BNC2: variants seen among roughly 807,000 people sequenced by gnomAD.
The protein encoded by BNC2 is zinc finger protein basonuclin-2.
BNC2 carries 20 observed loss-of-function variants against 76.3 expected under a neutral mutation model. The observed-to-expected ratio is 0.26, with a 90% CI of 0.18 to 0.38. The LOEUF is 0.38. BNC2 is among the 10% of genes least tolerant of loss of function. BNC2 has a pLI of 1.00. For synonymous variants in BNC2, 582 were observed against 514.8 expected (o/e 1.13, Z -1.77); for missense variants, 1,382 against 1,399.8 (o/e 0.99, Z 0.20).
chr9:16,827,764 G>A (rs1019852975), intron 1 of BNC2, among the ~76,000 whole-genome samples: 3 of 152,052 alleles, frequency 2.0e-5, no homozygotes, highest in Middle Eastern at 3.2e-3. Flanking sequence ...TGTATAGCTG[G>A]CTACATTTTT....
intron 1 of BNC2, among the ~76,000 whole-genome samples, chr9:16,866,487 G>C (rs1005619553): frequency 1.3e-5 from 2 of 151,718 alleles, no homozygotes; most frequent in Non-Finnish European, 2.9e-5. Flanking sequence ...TAAAACGAGA[G>C]TAACTCCCTC....
intron 5 of BNC2, among the ~76,000 whole-genome samples, chr9:16,502,299 G>A (rs1256343733): frequency 1.3e-5 from 2 of 152,180 alleles, no homozygotes; most frequent in African/African-American, 4.8e-5. Flanking sequence ...AGCGAGCTAT[G>A]GTCACGCCAC....
intron 5 of BNC2, among the ~76,000 whole-genome samples, chr9:16,525,075 G>GA (rs1817755056): frequency 7.6e-6 from 1 of 132,162 alleles, no homozygotes; most frequent in African/African-American, 2.7e-5. Context: ...CGGAGTGGGG[G>GA]AGGGGGGGGG....
At chr9:16,480,529 C>A (rs548274263) in intron 5 of BNC2, among the ~76,000 whole-genome samples, 1 of 152,146 alleles carries the variant, frequency 6.6e-6, no homozygotes, top group South Asian at 2.1e-4. Context: ...GAGCAGGAAC[C>A]GGGGCTGCAG....
At chr9:16,741,866 G>T (rs1028823093) in intron 1 of BNC2, among the ~76,000 whole-genome samples, 3 of 145,154 alleles carry the variant, frequency 2.1e-5, no homozygotes, top group Non-Finnish European at 3.0e-5. Context: ...GCTGAGGCAC[G>T]AGAATCGCTT....
intron 3 of BNC2, among the ~76,000 whole-genome samples, chr9:16,669,351 C>A (rs1235932068): frequency 6.6e-6 from 1 of 152,156 alleles, no homozygotes; most frequent in Non-Finnish European, 1.5e-5. Context: ...ACATTTTGCC[C>A]TAAAGGTGCT....
intron 1 of BNC2, among the ~76,000 whole-genome samples, chr9:16,778,331 T>G (rs1307393687): frequency 6.6e-6 from 1 of 152,278 alleles, no homozygotes; most frequent in East Asian, 1.9e-4. Context: ...ATTAGAGCAG[T>G]GACAAAATTC....
chr9:16,556,448 G>A (rs1587166488), intron 4 of BNC2, among the ~76,000 whole-genome samples: 2 of 151,722 alleles, frequency 1.3e-5, no homozygotes, highest in East Asian at 3.9e-4. Context: ...AGTTACCTAG[G>A]AGATGAGCCA....
At chr9:16,679,686 A>T (rs1822765384) in intron 3 of BNC2, among the ~76,000 whole-genome samples, 1 of 152,112 alleles carries the variant, frequency 6.6e-6, no homozygotes, top group East Asian at 1.9e-4. Flanking sequence ...GCCGGATGAC[A>T]CCTCCATTGC....
chr9:16,636,304 ACTTT>A (rs766489964), intron 3 of BNC2, among the ~76,000 whole-genome samples: 2 of 151,910 alleles, frequency 1.3e-5, no homozygotes, highest in Non-Finnish European at 2.9e-5. Context: ...TTAGGTGAAG[ACTTT>A]CTTTTTTTTT....
At chr9:16,508,440 T>C (rs575527337) in intron 5 of BNC2, among the ~76,000 whole-genome samples, 1 of 152,238 alleles carries the variant, frequency 6.6e-6, no homozygotes, top group South Asian at 2.1e-4. Context: ...TAATGCTCAG[T>C]AAAAAAACAT....
chr9:16,549,413 T>C (rs1214770544), intron 5 of BNC2, among the ~76,000 whole-genome samples: 1 of 152,220 alleles, frequency 6.6e-6, no homozygotes, highest in Non-Finnish European at 1.5e-5. Flanking sequence ...TATACTGTTG[T>C]TGAGAGCAAT....
intron 6 of BNC2, chr9:16,431,317 A>C (rs1820903437): frequency 7.3e-6 from 2 of 272,364 alleles, no homozygotes; most frequent in South Asian, 3.4e-5. Context: ...GCTTCCCTTC[A>C]AAATGGGTGA....
intron 5 of BNC2, among the ~76,000 whole-genome samples, chr9:16,531,068 T>G (rs1487099623): frequency 1.3e-5 from 2 of 152,208 alleles, no homozygotes; most frequent in Non-Finnish European, 2.9e-5. Flanking sequence ...TAGCCTCCCC[T>G]GAGATCAAGA....
chr9:16,763,916 C>G (rs1363596490), intron 1 of BNC2, among the ~76,000 whole-genome samples: 2 of 152,186 alleles, frequency 1.3e-5, no homozygotes, highest in African/African-American at 4.8e-5. Context: ...GGCCCTCCTG[C>G]TGAACACTAA....
At chr9:16,654,145 G>A (rs989203090) in intron 3 of BNC2, among the ~76,000 whole-genome samples, 1 of 152,132 alleles carries the variant, frequency 6.6e-6, no homozygotes, top group African/African-American at 2.4e-5. Context: ...TTCAGAGAGA[G>A]GGACAAAAGC....
In BNC2 at chr9:16,417,992, A is replaced by T. The variant is rs1820620610; in HGVS notation, c.*997T>A. ...ATTTTCTTTTCTGGAAACTTGTGCA[A>T]AGTTGGCAGTTTTGTGTTAACACTA... On this transcript the variant is annotated 3_prime_UTR_variant, in exon 7 of 7. Coordinates refer to ENST00000380672, the MANE Select transcript of BNC2 (RefSeq NM_017637.6). 6.6e-6 allele frequency: 1 copy of T among 152,654 alleles called. No homozygotes were observed. Among genetic ancestry groups the T allele is most frequent in the African/African-American group, 2.4e-5 (1 of 41,452 alleles). The allele number at this position is 152,654 out of a possible 1,614,324, so 9.5% of individuals were successfully genotyped here. A position where few individuals can be genotyped will look rare whatever the true frequency, so the allele number is the denominator to read the frequency against.
At chr9:16,721,618 G>C (rs1824159728) in intron 3 of BNC2, among the ~76,000 whole-genome samples, 1 of 152,136 alleles carries the variant, frequency 6.6e-6, no homozygotes, top group Non-Finnish European at 1.5e-5. Context: ...TTTTCAAATG[G>C]CGAATTATTT....
chr9:16,741,990 C>G (rs80107402), intron 1 of BNC2, among the ~76,000 whole-genome samples: 3 of 143,594 alleles, frequency 2.1e-5, no homozygotes, highest in African/African-American at 7.8e-5. Context: ...GACAACAACA[C>G]GTATACCTTG....
Sources: gnomAD v4.1 joint callset for allele counts (sites outside exome capture counted in the v4.1 genomes callset) on GRCh38, gnomAD v4.1.1 for gene constraint, MANE v1.5 for transcripts, NCBI Gene and HGNC (gene_info 2026-07-23, HGNC 2026-07-21) for gene names.